ETV5: variants seen among roughly 807,000 people sequenced by gnomAD.
ETV5 encodes the protein ETS variant transcription factor 5, also known as ETS translocation variant 5.
In ETV5, 10 loss-of-function variants were observed where a neutral mutation model predicts 70.0. The ratio of observed to expected loss-of-function variants is 0.14; its 90% CI spans 0.09 to 0.24. ETV5 has a LOEUF of 0.24. Ranked by LOEUF, ETV5 falls within the 10% of genes least tolerant of loss-of-function variation. The pLI is 1.00. For missense variants in ETV5, 453 were observed against 651.2 expected (o/e 0.70, Z 3.31); for synonymous variants, 216 against 242.2 (o/e 0.89, Z 1.01).
chr3:186,064,643 G>A, intron 8 of ETV5, 167 bp from the exon 9 acceptor site: 1 of 661,870 alleles, frequency 1.5e-6, no homozygotes, highest in Non-Finnish European at 2.7e-6. Context: ...AAGCAAGATG[G>A]CAAACACCAT....
At chr3:186,061,666 C>T (rs1425783198) in intron 9 of ETV5, among the ~76,000 whole-genome samples, 10 of 152,196 alleles carry the variant, frequency 6.6e-5, no homozygotes. Flanking sequence ...CCTCAATCCA[C>T]CATACCAAGT....
intron 5 of ETV5, among the ~76,000 whole-genome samples, chr3:186,083,227 T>A (rs919945661): frequency 6.6e-5 from 10 of 152,244 alleles, no homozygotes; most frequent in Admixed American, 6.5e-4. Flanking sequence ...AGTCTTCTGC[T>A]ATAAAAGTTT....
intron 5 of ETV5, among the ~76,000 whole-genome samples, chr3:186,087,902 T>A (rs895820181): frequency 7.9e-5 from 12 of 152,152 alleles, no homozygotes; most frequent in African/African-American, 2.9e-4. Flanking sequence ...TGGTGTTTCA[T>A]AATCATCAAA....
At chr3:186,098,201 A>G (rs1010510730) in intron 5 of ETV5, among the ~76,000 whole-genome samples, 1 of 152,238 alleles carries the variant, frequency 6.6e-6, no homozygotes, top group African/African-American at 2.4e-5. Flanking sequence ...CCTCTGGCAA[A>G]ACGGGAAAGG....
chr3:186,082,427 TC>T lies in ETV5; in HGVS notation c.233-1253del, dbSNP rs1713953965. Among the ~76,000 whole-genome samples the T allele has an allele frequency of 2.0e-5, 3 of 147,414 alleles. No homozygotes were observed. The South Asian group carries it at 6.4e-4, about 31-fold the overall frequency. On this transcript the variant is annotated intron_variant, in intron 5 of 12. Transcript: ENST00000306376. ...CTAGCTAAACAAATCATCACTTTTC[TC>T]TTTTTTTTTTTTTTTTTGAGACGGA...
At chr3:186,064,089 GT>G (rs1713375744) in intron 9 of ETV5, 3 of 262,462 alleles carry the variant, frequency 1.1e-5, no homozygotes, top group South Asian at 9.7e-5. Flanking sequence ...AGGTGGGTTT[GT>G]TTTTTCTCCA....
At chr3:186,106,580 T>A (rs1714593495) in intron 1 of ETV5, among the ~76,000 whole-genome samples, 1 of 152,224 alleles carries the variant, frequency 6.6e-6, no homozygotes, top group Non-Finnish European at 1.5e-5. Context: ...TACAGAGATA[T>A]TTGTGACATC....
Position 186,052,274 on chromosome 3 carries a change from C to T in ETV5, c.1210-143G>A. 1 of 682,820 alleles carries T rather than the reference C, an allele frequency of 1.5e-6. No individual in the cohort carries two copies. Among genetic ancestry groups the T allele is most frequent in the South Asian group, 1.7e-5 (1 of 58,568 alleles). 42.3% of individuals were successfully genotyped at this position (682,820 alleles called of 1,614,324 possible). Reference sequence around the variant, plus strand: ...CTGACCTGGAAGGGAAGGCATTTAACTCCCTCAAGACCAAACATTCAACAA... The same window carrying T: ...CTGACCTGGAAGGGAAGGCATTTAATTCCCTCAAGACCAAACATTCAACAA... On this transcript the variant is annotated intron_variant, in intron 11 of 12. Transcript: ENST00000306376. The surrounding 1 kb of genome is among the most constrained non-coding windows in gnomAD (Gnocchi z 4.5).
intron 5 of ETV5, among the ~76,000 whole-genome samples, chr3:186,103,752 T>A (rs1250998307): frequency 6.6e-6 from 1 of 152,064 alleles, no homozygotes; most frequent in African/African-American, 2.4e-5. Context: ...TAACATGCAT[T>A]TACTCTCCCA....
At position 186,075,369 on chromosome 3, in the gene ETV5, T is replaced by C. The variant is rs138989981; in HGVS notation, c.650+4448A>G. 1.6e-3 allele frequency among the ~76,000 whole-genome samples: 239 copies of C among 152,336 alleles called. 2 individuals are homozygous for C. The highest frequency in any genetic ancestry group is 5.6e-3 in the Admixed American group (85 of 15,300). Reference sequence around the variant, plus strand: ...CAAATGTGACTTACAGTCAAGTTCATTCCTCTCTAAAAATTATTGTACTAC... The same window carrying C: ...CAAATGTGACTTACAGTCAAGTTCACTCCTCTCTAAAAATTATTGTACTAC... On this transcript the variant is annotated intron_variant, in intron 7 of 12. Coordinates refer to ENST00000306376, the MANE Select transcript of ETV5 (RefSeq NM_004454.3).
chr3:186,090,318 G>A (rs1714151454), intron 5 of ETV5, among the ~76,000 whole-genome samples: 1 of 152,184 alleles, frequency 6.6e-6, no homozygotes, highest in Non-Finnish European at 1.5e-5. Context: ...CATTTTGTTG[G>A]CTTTGGCCCA....
intron 8 of ETV5, 126 bp downstream of exon 8, chr3:186,065,687 C>A (rs1285372001): frequency 5.7e-5 from 67 of 1,180,488 alleles, no homozygotes; most frequent in Non-Finnish European, 7.7e-5. Flanking sequence ...GAGGGCAATT[C>A]TTATAAAAAT....
chr3:186,096,115 T>C (rs1214556057), intron 5 of ETV5, among the ~76,000 whole-genome samples: 3 of 152,216 alleles, frequency 2.0e-5, no homozygotes, highest in Non-Finnish European at 4.4e-5. Context: ...CCCTATGCTG[T>C]TTCCACCTTC....
intron 12 of ETV5, 119 bp from the exon 13 acceptor site, chr3:186,048,979 A>G: frequency 2.6e-6 from 2 of 761,036 alleles, no homozygotes; most frequent in South Asian, 1.7e-5. Flanking sequence ...GATTACCCCA[A>G]TCACTCAGAC....
chr3:186,050,478 G>A (rs905563754), intron 12 of ETV5, among the ~76,000 whole-genome samples: 3 of 152,190 alleles, frequency 2.0e-5, no homozygotes, highest in African/African-American at 7.2e-5. Context: ...GATTTGGCCT[G>A]ATGATATCAA....
chr3:186,070,477 G>A (rs1042386720), intron 7 of ETV5, among the ~76,000 whole-genome samples: 4 of 152,212 alleles, frequency 2.6e-5, no homozygotes, highest in East Asian at 3.9e-4. Flanking sequence ...TTAAGGATGC[G>A]CAAAGCTTAG....
chr3:186,106,914 A>G (rs1714602247), intron 1 of ETV5: 1 of 981,974 alleles, frequency 1.0e-6, no homozygotes, highest in African/African-American at 1.7e-5. Context: ...CGTTAAGTCA[A>G]CAAAAGGTGG....
rs1313997222 is a variant in ETV5 at position 186,047,266 on chromosome 3, A to G, written c.*1373T>C. Reference sequence around the variant, plus strand: ...TCCAATATAATACAGCAATGAGAATAATTTCTTTTTAAAAAAAGGCAGGAA... The same window carrying G: ...TCCAATATAATACAGCAATGAGAATGATTTCTTTTTAAAAAAAGGCAGGAA... On this transcript the variant is annotated 3_prime_UTR_variant, in exon 13 of 13. Coordinates refer to ENST00000306376, the MANE Select transcript of ETV5 (RefSeq NM_004454.3). 2.6e-5 allele frequency: 6 copies of G among 229,204 alleles called. No homozygotes were observed. The highest frequency in any genetic ancestry group is 1.7e-4 in the Admixed American group (3 of 17,606). 14.2% of individuals were successfully genotyped at this position (229,204 alleles called of 1,614,324 possible).
At chr3:186,068,797 A>G (rs1399671977) in intron 7 of ETV5, among the ~76,000 whole-genome samples, 1 of 152,220 alleles carries the variant, frequency 6.6e-6, no homozygotes, top group African/African-American at 2.4e-5. Flanking sequence ...GTGGTTGTGG[A>G]AGGCTGGAGA....
Sources: allele counts gnomAD v4.1 joint callset (sites outside exome capture counted in the v4.1 genomes callset), GRCh38; gene constraint gnomAD v4.1.1; non-coding constraint Gnocchi (gnomAD v3.1); transcripts MANE v1.5; gene names NCBI Gene and HGNC (gene_info 2026-07-23, HGNC 2026-07-21).